The following SAMMSON variants were observed in gnomAD, a reference collection of about 807,000 sequenced individuals.
SAMMSON encodes survival associated mitochondrial melanoma specific oncogenic non-coding RNA.
chr3:70,321,831 A>G (rs1414619140), intron 7 of SAMMSON, among the ~76,000 whole-genome samples: 4 of 152,060 alleles, frequency 2.6e-5, no homozygotes, highest in African/African-American at 7.2e-5. Context: ...ATGACATAAA[A>G]TTAGAGACAG....
At chr3:70,341,076 TC>T (rs1171969673) in intron 7 of SAMMSON, among the ~76,000 whole-genome samples, 15 of 152,090 alleles carry the variant, frequency 9.9e-5, no homozygotes, top group African/African-American at 3.1e-4. Flanking sequence ...CATATGTGAG[TC>T]ATTGTCATCA....
chr3:70,102,278 C>G (rs1016976224), intron 4 of SAMMSON, among the ~76,000 whole-genome samples: 2 of 152,154 alleles, frequency 1.3e-5, no homozygotes, highest in Non-Finnish European at 2.9e-5. Flanking sequence ...CCATAAGCTG[C>G]TACCCAGATG....
At chr3:70,365,341 GTGTGTATATATGTATCTATA>G (rs1420070999) in intron 9 of SAMMSON, among the ~76,000 whole-genome samples, 1 of 151,056 alleles carries the variant, frequency 6.6e-6, no homozygotes, top group Non-Finnish European at 1.5e-5. Context: ...GTGTGTATAT[GTGTGTATATATGTATCTATA>G]TGTGTATATA....
At chr3:70,366,495 T>TTTTG (rs1478012021) in intron 9 of SAMMSON, among the ~76,000 whole-genome samples, 4 of 147,024 alleles carry the variant, frequency 2.7e-5, no homozygotes, top group African/African-American at 7.5e-5. Flanking sequence ...TTTTTATGTT[T>TTTTG]TTTTTTTTTT....
intron 3 of SAMMSON, among the ~76,000 whole-genome samples, chr3:70,035,368 G>A (rs919209573): frequency 1.8e-4 from 27 of 152,156 alleles, no homozygotes; most frequent in South Asian, 2.1e-4. Flanking sequence ...TAAGGCTCAT[G>A]TGATTATATT....
chr3:70,111,330 T>C (rs1048154516), intron 4 of SAMMSON, among the ~76,000 whole-genome samples: 1 of 152,190 alleles, frequency 6.6e-6, no homozygotes, highest in Admixed American at 6.5e-5. Context: ...CTCAAGTGAT[T>C]TATAAATACT....
chr3:70,287,059 T>G (rs1575616029), intron 6 of SAMMSON, among the ~76,000 whole-genome samples: 1 of 145,040 alleles, frequency 6.9e-6, no homozygotes, highest in Non-Finnish European at 1.5e-5. Flanking sequence ...TTCCTTCTCC[T>G]GCCTAATTGC....
chr3:70,063,296 A>G (rs1256509567), intron 3 of SAMMSON, among the ~76,000 whole-genome samples: 1 of 152,112 alleles, frequency 6.6e-6, no homozygotes, highest in Non-Finnish European at 1.5e-5. Flanking sequence ...ATATCTTTAG[A>G]CCCACCTGCA....
chr3:70,198,782 G>A (rs1009146444), intron 4 of SAMMSON, among the ~76,000 whole-genome samples: 3 of 152,090 alleles, frequency 2.0e-5, no homozygotes, highest in African/African-American at 7.2e-5. Flanking sequence ...TCATCTCTTT[G>A]CCAGATTTGC....
chr3:70,314,659 C>T (rs1199392256), intron 7 of SAMMSON, among the ~76,000 whole-genome samples: 2 of 152,084 alleles, frequency 1.3e-5, no homozygotes, highest in African/African-American at 4.8e-5. Flanking sequence ...TACTAGTCCT[C>T]CCAGTTTATT....
At chr3:70,045,017 AT>A (rs1340246697) in intron 3 of SAMMSON, among the ~76,000 whole-genome samples, 2 of 129,654 alleles carry the variant, frequency 1.5e-5, no homozygotes, top group African/African-American at 2.9e-5. Flanking sequence ...TATATATATA[AT>A]TAATTATAAT....
At chr3:70,233,184 T>C (rs1476858120) in intron 4 of SAMMSON, among the ~76,000 whole-genome samples, 2 of 152,088 alleles carry the variant, frequency 1.3e-5, no homozygotes, top group African/African-American at 2.4e-5. Context: ...GTCTCAGAGT[T>C]TGGGTACTAA....
Position 70,422,039 on chromosome 3 carries a change from G to A in SAMMSON, n.234-40521G>A, listed in dbSNP as rs577783742. ...GTGTGAACTACTTACGAGGAACCTTGTATTTACTGTGCTAAAAATTTTAAG... is the reference window on the plus strand; with the variant it reads ...GTGTGAACTACTTACGAGGAACCTTATATTTACTGTGCTAAAAATTTTAAG... On this transcript the variant is annotated intron_variant and non_coding_transcript_variant, in intron 2 of 3. Transcript: ENST00000641053. Among the ~76,000 whole-genome samples, 17 of 151,964 alleles carry A rather than the reference G, an allele frequency of 1.1e-4. No homozygotes were observed. The South Asian group carries it at 3.5e-3, about 32-fold the overall frequency.
chr3:70,360,685 A>G (rs1340098881), intron 9 of SAMMSON, among the ~76,000 whole-genome samples: 1 of 152,164 alleles, frequency 6.6e-6, no homozygotes, highest in Non-Finnish European at 1.5e-5. Context: ...TAATCATTGA[A>G]TTTTTGAATG....
At chr3:70,410,955 G>A (rs1461623856) in intron 2 of SAMMSON, among the ~76,000 whole-genome samples, 1 of 152,146 alleles carries the variant, frequency 6.6e-6, no homozygotes, top group Non-Finnish European at 1.5e-5. Context: ...CTATTGGGCT[G>A]TATATTTTCT....
intron 4 of SAMMSON, among the ~76,000 whole-genome samples, chr3:70,169,935 G>A (rs1045605332): frequency 7.9e-5 from 12 of 151,930 alleles, no homozygotes; most frequent in Admixed American, 5.3e-4. Flanking sequence ...AGAAGCAAAC[G>A]CTTTAGAAAA....
intron 4 of SAMMSON, among the ~76,000 whole-genome samples, chr3:70,087,428 A>G (rs374975254): frequency 4.6e-5 from 7 of 152,196 alleles, no homozygotes; most frequent in Admixed American, 2.6e-4. Context: ...TCAGCCTGAG[A>G]CCTTTTTCTC....
intron 6 of SAMMSON, among the ~76,000 whole-genome samples, chr3:70,290,111 G>A (rs994793327): frequency 2.1e-4 from 32 of 152,318 alleles, no homozygotes; most frequent in Non-Finnish European, 2.9e-4. Flanking sequence ...GAGGAGCTGC[G>A]TTCCTTTGTA....
intron 6 of SAMMSON, among the ~76,000 whole-genome samples, chr3:70,280,178 C>T: frequency 6.6e-6 from 1 of 152,030 alleles, no homozygotes; most frequent in East Asian, 1.9e-4. Context: ...AATCTCTGTC[C>T]CCATGGTTGT....
Sources: gnomAD v4.1 joint callset for allele counts (sites outside exome capture counted in the v4.1 genomes callset) on GRCh38, gnomAD v4.1.1 for gene constraint, MANE v1.5 for transcripts, NCBI Gene and HGNC (gene_info 2026-07-23, HGNC 2026-07-21) for gene names.